Variants in TRIM69 observed in about 807,000 individuals in gnomAD.
TRIM69 encodes the protein E3 ubiquitin-protein ligase TRIM69.
A neutral mutation model predicts 37.7 loss-of-function variants in TRIM69; 29 were observed. The observed-to-expected ratio is 0.77, with a 90% CI of 0.57 to 1.05. The LOEUF (loss-of-function observed/expected upper bound fraction) is 1.05, where lower values mean the gene tolerates loss of function less well. Ranked by LOEUF, TRIM69 falls within the 50% of genes least tolerant of loss-of-function variation. TRIM69 has a pLI of 0.00. For synonymous variants in TRIM69, 209 were observed against 212.4 expected, an observed-to-expected ratio of 0.98 and a Z score of 0.14; for missense variants, 596 against 579.9, an observed-to-expected ratio of 1.03 and a Z score of -0.28.
intron 2 of TRIM69, 32 bp from the exon 3 acceptor site, chr15:44,756,336 T>A (rs2087645894): frequency 6.9e-7 from 1 of 1,445,748 alleles, no homozygotes; most frequent in Admixed American, 2.0e-5. Context: ...TCTCCCGAGT[T>A]AGTCTGGGTT....
chr15:44,741,859 T>C (rs1211648996), intron 1 of TRIM69, among the ~76,000 whole-genome samples: 2 of 152,136 alleles, frequency 1.3e-5, no homozygotes, highest in African/African-American at 4.8e-5. Context: ...CAGGACCAGA[T>C]GGATTCACAG....
Position 44,767,372 on chromosome 15 carries a change from T to A in TRIM69, c.1103T>A (p.Leu368Gln). The change falls in exon 7 of 7, where the codon CTG becomes CAG. Residue 368 changes from leucine to glutamine, a missense_variant. Coordinates refer to ENST00000329464, the MANE Select transcript of TRIM69 (RefSeq NM_182985.5). ...PERFDSSVAV[L>Q]GSRGFTSGKW... is the part of the protein sequence containing the mutation. The stretch of plus-strand genomic sequence containing the variant: ...AGGTTTGACTCAAGTGTGGCTGTAC[T>A]GGGCTCAAGAGGCTTCACCTCTGGA... 6.2e-7 allele frequency: 1 copy of A among 1,614,146 alleles called. No individual in the cohort carries two copies. The highest frequency in any genetic ancestry group is 8.5e-7 in the Non-Finnish European group (1 of 1,180,038).
rs114730994 is a variant in TRIM69, at chr15:44,763,625, G to T, written c.962-3606G>T. On this transcript the variant is annotated intron_variant, in intron 6 of 6. Transcript: ENST00000329464. ...CTGCCCTGGAGATTTGTCTCTTCTG[G>T]TTGGTAATTTTTTACTGGATGCCAA... is the stretch of plus-strand genomic sequence containing the variant. 8.1e-3 allele frequency among the ~76,000 whole-genome samples: 1,240 copies of T among 152,178 alleles called. 18 individuals are homozygous for T. Among genetic ancestry groups the T allele is most frequent in the African/African-American group, 0.026 (1,088 of 41,522 alleles).
intron 6 of TRIM69, among the ~76,000 whole-genome samples, chr15:44,761,908 A>G (rs1156514274): frequency 6.6e-6 from 1 of 152,220 alleles, no homozygotes; most frequent in East Asian, 1.9e-4. Context: ...CAAATCCTTT[A>G]TCAGATATAT....
intron 6 of TRIM69, among the ~76,000 whole-genome samples, chr15:44,765,844 A>G (rs2087876778): frequency 6.6e-6 from 1 of 152,180 alleles, no homozygotes; most frequent in Non-Finnish European, 1.5e-5. Flanking sequence ...AAATAAATCC[A>G]ATAACAACAA....
In TRIM69 at chr15:44,767,723, A is replaced by T; in HGVS notation, c.1454A>T (p.Asn485Ile). The T allele has an allele frequency of 6.2e-7, 1 of 1,613,940 alleles. No individual in the cohort carries two copies. Among genetic ancestry groups the T allele is most frequent in the Non-Finnish European group, 8.5e-7 (1 of 1,180,030 alleles). The change falls in exon 7 of 7, where the codon AAT (asparagine) becomes ATT (isoleucine). Residue 485 changes from asparagine (N) to isoleucine (I), a missense_variant. Transcript: ENST00000329464. ...KLYPYFCPCL[N>I]DGGENKEPLH... ...TATCCCTACTTCTGCCCCTGCCTTA[A>T]TGATGGTGGAGAGAATAAAGAACCA...
chr15:44,745,067 A>G (rs1045294518), intron 1 of TRIM69, among the ~76,000 whole-genome samples: 19 of 32,890 alleles, frequency 5.8e-4, no homozygotes, highest in Non-Finnish European at 2.1e-4. Context: ...CTGAGTGCAT[A>G]CTAAAAAAAA....
intron 1 of TRIM69, chr15:44,754,281 C>T (rs1292042173): frequency 6.6e-6 from 1 of 152,226 alleles, no homozygotes; most frequent in African/African-American, 2.4e-5. Context: ...CGCCTGCCAC[C>T]ACACCCAGCT....
At position 44,746,081 on chromosome 15, in the gene TRIM69, A is replaced by G. The variant is rs1294729095; in HGVS notation, c.7-8819A>G. Among the ~76,000 whole-genome samples the G allele has an allele frequency of 1.0e-3, 151 of 144,532 alleles. 1 individual carries two copies. The highest frequency in any genetic ancestry group is 1.5e-5 in the Non-Finnish European group (1 of 65,016). 94.8% of individuals were successfully genotyped at this position (144,532 alleles called of 152,430 possible). A position where few individuals can be genotyped will look rare whatever the true frequency, so the allele number is the denominator to read the frequency against. On this transcript the variant is annotated intron_variant, in intron 1 of 6. Coordinates refer to ENST00000329464, the MANE Select transcript of TRIM69 (RefSeq NM_182985.5). ...CAGAGAGCCACACCAAGTTATAATT[A>G]AACTATTAAAAGCCAAAAATAATCT... is the stretch of plus-strand genomic sequence containing the variant.
chr15:44,759,880 T>A lies in TRIM69; in HGVS notation c.961+8T>A. ...AGGACACTCTCTGCCCAGGTATCAGTGGGTAGTAACTATTGGTTCTTGAGG... is the reference window on the plus strand; with the variant it reads ...AGGACACTCTCTGCCCAGGTATCAGAGGGTAGTAACTATTGGTTCTTGAGG... On this transcript the variant is annotated splice_region_variant and intron_variant, in intron 6 of 6. Transcript: ENST00000329464. 1 of 1,608,034 alleles carries A rather than the reference T, an allele frequency of 6.2e-7. No individual in the cohort carries two copies. The highest frequency in any genetic ancestry group is 8.5e-7 in the Non-Finnish European group (1 of 1,175,312).
In TRIM69 at chr15:44,736,721, CTTT is replaced by C; in HGVS notation, c.6+20_6+22del. On this transcript the variant is annotated intron_variant, in intron 1 of 6. Coordinates refer to ENST00000329464, the MANE Select transcript of TRIM69 (RefSeq NM_182985.5). ...TGAAGCTTCATGGAGGTGAGTGACC[CTTT>C]TTTTTTTTAACTTAGCAGGGCTTCT... 2 of 1,472,514 alleles carry C rather than the reference CTTT, an allele frequency of 1.4e-6. No homozygotes were observed. Among genetic ancestry groups the C allele is most frequent in the Admixed American group, 1.8e-5 (1 of 55,748 alleles). The allele number at this position is 1,472,514 out of a possible 1,614,324, so 91.2% of individuals were successfully genotyped here. A position where few individuals can be genotyped will look rare whatever the true frequency, so the allele number is the denominator to read the frequency against.
intron 1 of TRIM69, among the ~76,000 whole-genome samples, chr15:44,745,042 A>T (rs1409992274): frequency 1.3e-5 from 2 of 149,880 alleles, no homozygotes; most frequent in African/African-American, 4.9e-5. Context: ...TAGAAGGCCA[A>T]CTGCATGCCC....
chr15:44,746,991 C>T (rs908817460), intron 1 of TRIM69, among the ~76,000 whole-genome samples: 1 of 152,086 alleles, frequency 6.6e-6, no homozygotes, highest in Non-Finnish European at 1.5e-5. Flanking sequence ...GGAAGGACTG[C>T]CAAATATAGT....
intron 1 of TRIM69, among the ~76,000 whole-genome samples, chr15:44,743,230 A>G (rs1331880812): frequency 1.3e-5 from 2 of 152,248 alleles, no homozygotes; most frequent in Non-Finnish European, 2.9e-5. Context: ...TCCCTATTTC[A>G]TAAATGGTGC....
intron 1 of TRIM69, among the ~76,000 whole-genome samples, chr15:44,743,679 T>C (rs989438615): frequency 3.3e-5 from 5 of 152,160 alleles, no homozygotes; most frequent in Admixed American, 6.5e-5. Flanking sequence ...TCAGAAGACA[T>C]TTATGCAGCC....
intron 1 of TRIM69, among the ~76,000 whole-genome samples, chr15:44,740,756 GA>G (rs879390373): frequency 2.0e-5 from 3 of 151,386 alleles, no homozygotes; most frequent in Admixed American, 6.6e-5. Context: ...AATTCAACAA[GA>G]AGAGCTAACT....
intron 1 of TRIM69, among the ~76,000 whole-genome samples, chr15:44,749,253 AGATG>A (rs74954795): frequency 0.054 from 8,249 of 152,226 alleles, 239 homozygotes; most frequent in Non-Finnish European, 0.061. Flanking sequence ...TAATCTTTTA[AGATG>A]TACAATTCAG....
At chr15:44,741,174 G>A (rs908586085) in intron 1 of TRIM69, among the ~76,000 whole-genome samples, 19 of 152,042 alleles carry the variant, frequency 1.2e-4, no homozygotes, top group Admixed American at 3.3e-4. Context: ...ACTCAAAACC[G>A]CTCAACTACA....
chr15:44,737,495 C>T (rs943805369), intron 1 of TRIM69, among the ~76,000 whole-genome samples: 1 of 152,096 alleles, frequency 6.6e-6, no homozygotes, highest in Non-Finnish European at 1.5e-5. Flanking sequence ...ACTTTAAGGC[C>T]AAGTCAGTGA....
Sources: gnomAD v4.1 joint callset for allele counts (sites outside exome capture counted in the v4.1 genomes callset) on GRCh38, gnomAD v4.1.1 for gene constraint, MANE v1.5 for transcripts, NCBI Gene and HGNC (gene_info 2026-07-23, HGNC 2026-07-21) for gene names.